Variants in CACNA1B observed in about 807,000 individuals in gnomAD.
The protein encoded by CACNA1B is voltage-dependent N-type calcium channel subunit alpha-1B.
Under a neutral mutation model 247.2 loss-of-function variants are expected in CACNA1B, and 70 were observed. That is an observed-to-expected ratio of 0.28 (90% CI 0.23 to 0.35). The LOEUF (loss-of-function observed/expected upper bound fraction) is 0.35. CACNA1B is among the 10% of genes least tolerant of loss of function. CACNA1B has a pLI of 1.00. For missense variants in CACNA1B, 2,367 were observed against 3,197.4 expected (o/e 0.74, Z 6.26); for synonymous variants, 1,231 against 1,294.4 (o/e 0.95, Z 1.05).
chr9:138,027,686 T>G (rs1215766688), intron 20 of CACNA1B, among the ~76,000 whole-genome samples: 1 of 152,204 alleles, frequency 6.6e-6, no homozygotes, highest in African/African-American at 2.4e-5. Context: ...GAAGACCTTT[T>G]CAGCATCCAT....
rs1237817415 is a variant in CACNA1B at position 138,013,132 on chromosome 9, G to A, written c.2164G>A (p.Glu722Lys). ...LANAQELTKD[E>K]EEMEEAANQK... ...ACATTTCTCTTTGCTCAAACAGGAT[G>A]AAGAGGAGATGGAAGAAGCAGCCAA... The change falls in exon 18 of 47, where the codon GAA becomes AAA. Residue 722 changes from glutamate to lysine, a missense_variant. By Grantham distance (56) the Glu-to-Lys change is moderately conservative. This residue lies in a region of CACNA1B where 76 missense variants were observed against 191.0 expected (regional missense o/e 0.40). Coordinates refer to ENST00000371372, the MANE Select transcript of CACNA1B (RefSeq NM_000718.4). 6.2e-7 allele frequency: 1 copy of A among 1,612,358 alleles called. No homozygotes were observed. Among genetic ancestry groups the A allele is most frequent in the Admixed American group, 1.7e-5 (1 of 59,988 alleles).
intron 18 of CACNA1B, among the ~76,000 whole-genome samples, chr9:138,013,974 G>A (rs1303265762): frequency 6.6e-6 from 1 of 152,248 alleles, no homozygotes; most frequent in Non-Finnish European, 1.5e-5. Flanking sequence ...CCGTCTGGCT[G>A]CATGCCCACC....
chr9:137,931,615 T>G (rs1254101334), intron 6 of CACNA1B, among the ~76,000 whole-genome samples: 1 of 151,920 alleles, frequency 6.6e-6, no homozygotes, highest in Non-Finnish European at 1.5e-5. Context: ...GACTGATGGT[T>G]TTTTCTTCAG....
rs1460366280 is a variant in CACNA1B at position 137,882,607 on chromosome 9, G to A, written c.391-137G>A. On this transcript the variant is annotated intron_variant, in intron 2 of 46. Transcript: ENST00000371372. The surrounding 1 kb of genome is among the most constrained non-coding windows in gnomAD (Gnocchi z 4.0). The stretch of plus-strand genomic sequence containing the variant: ...TCCTTGGAGAATCTGCAGGGTGTTG[G>A]GGGCAAGGTGAGGAGGGTCAGACCC... 7 of 922,488 alleles carry A rather than the reference G, an allele frequency of 7.6e-6. No individual in the cohort carries two copies. The highest frequency in any genetic ancestry group is 1.2e-5 in the Non-Finnish European group (7 of 604,866). The allele number at this position is 922,488 out of a possible 1,614,324, so 57.1% of individuals were successfully genotyped here.
intron 31 of CACNA1B, chr9:138,068,589 C>A (rs183608160): frequency 4.8e-5 from 25 of 518,776 alleles, no homozygotes; most frequent in South Asian, 3.5e-4. Flanking sequence ...ATTGCTGATT[C>A]CTAAGGGCCT....
At chr9:138,084,672 C>T (rs114860088) in intron 36 of CACNA1B, among the ~76,000 whole-genome samples, 2,720 of 151,250 alleles carry the variant, frequency 0.018, 199 homozygotes, top group African/African-American at 0.062. Flanking sequence ...AAGGAAATCA[C>T]CAGGTGTGGT....
intron 45 of CACNA1B, 51 bp from the exon 46 acceptor site, chr9:138,120,580 G>A: frequency 6.8e-7 from 1 of 1,463,232 alleles, no homozygotes; most frequent in Non-Finnish European, 9.0e-7. Flanking sequence ...CGGGGGTCAG[G>A]GGTCCCTGCC....
intron 36 of CACNA1B, among the ~76,000 whole-genome samples, chr9:138,081,223 C>A (rs1003864287): frequency 1.3e-5 from 2 of 152,220 alleles, no homozygotes; most frequent in African/African-American, 2.4e-5. Context: ...ACAGGGCCAG[C>A]ACTCACTAGA....
At position 137,940,241 on chromosome 9, in the gene CACNA1B, A is replaced by G. The variant is rs1214106172; in HGVS notation, c.967-12033A>G. On this transcript the variant is annotated intron_variant, in intron 6 of 46. Coordinates refer to ENST00000371372, the MANE Select transcript of CACNA1B (RefSeq NM_000718.4). ...AATTAGAAATGAAATGGGAGATATT[A>G]CAACTGACACCACAGAAATACAAAA... 5.9e-5 allele frequency among the ~76,000 whole-genome samples: 9 copies of G among 152,362 alleles called. No individual in the cohort carries two copies. The South Asian group carries it at 8.3e-4, about 14-fold the overall frequency.
intron 15 of CACNA1B, among the ~76,000 whole-genome samples, chr9:137,994,343 C>A (rs1341090723): frequency 6.6e-6 from 1 of 152,180 alleles, no homozygotes; most frequent in Non-Finnish European, 1.5e-5. Context: ...GAAGTCCTAA[C>A]CAGAGCAATC....
chr9:138,093,661 A>C lies in CACNA1B; in HGVS notation c.5095-2823A>C, dbSNP rs139249954. On this transcript the variant is annotated intron_variant, in intron 36 of 46. Transcript: ENST00000371372. ...GAGGCTAAGGCAGAGAATCACTTGA[A>C]CCTGGGAGGTGGAGGCTGCAGTGAC... Among the ~76,000 whole-genome samples the C allele has an allele frequency of 4.2e-4, 64 of 151,998 alleles. 2 individuals carry two copies. The East Asian group carries it at 0.012, about 28-fold the overall frequency.
chr9:138,068,687 G>A (rs1960016601), intron 31 of CACNA1B: 1 of 513,418 alleles, frequency 1.9e-6, no homozygotes, highest in African/African-American at 1.9e-5. Context: ...TGGTGGGGAG[G>A]GGTGGTTTCT....
intron 15 of CACNA1B, among the ~76,000 whole-genome samples, chr9:137,988,566 A>G (rs886475408): frequency 1.3e-5 from 2 of 152,180 alleles, no homozygotes; most frequent in Admixed American, 1.3e-4. Flanking sequence ...GAACACAGCA[A>G]TAAGATAAAA....
intron 16 of CACNA1B, among the ~76,000 whole-genome samples, chr9:138,008,848 A>G (rs533455854): frequency 6.6e-6 from 1 of 152,334 alleles, no homozygotes; most frequent in South Asian, 2.1e-4. Flanking sequence ...TGATGGCCTC[A>G]AGTGGACGGA....
At chr9:137,987,823 C>T (rs1378927636) in intron 15 of CACNA1B, among the ~76,000 whole-genome samples, 1 of 152,182 alleles carries the variant, frequency 6.6e-6, no homozygotes, top group African/African-American at 2.4e-5. Flanking sequence ...TCACATCTTC[C>T]CACTCACCCC....
At position 137,882,994 on chromosome 9, in the gene CACNA1B, C is replaced by G; in HGVS notation, c.530+111C>G. ...GCTGCAGTCCCCTCACTGGGGTCCCCTCACAGCCCTGCTGGAGATGAACGA... is the reference window on the plus strand; with the variant it reads ...GCTGCAGTCCCCTCACTGGGGTCCCGTCACAGCCCTGCTGGAGATGAACGA... On this transcript the variant is annotated intron_variant, in intron 3 of 46. Coordinates refer to ENST00000371372, the MANE Select transcript of CACNA1B (RefSeq NM_000718.4). The surrounding 1 kb of genome is among the most constrained non-coding windows in gnomAD (Gnocchi z 4.0). The G allele has an allele frequency of 8.7e-7, 1 of 1,150,794 alleles. No individual in the cohort carries two copies. Among genetic ancestry groups the G allele is most frequent in the Non-Finnish European group, 1.3e-6 (1 of 782,876 alleles). 71.3% of individuals were successfully genotyped at this position (1,150,794 alleles called of 1,614,324 possible).
chr9:138,002,982 G>C (rs1377623747), intron 15 of CACNA1B, among the ~76,000 whole-genome samples: 2 of 151,526 alleles, frequency 1.3e-5, no homozygotes, highest in African/African-American at 4.8e-5. Context: ...TGTATTTTTA[G>C]TAGACAGGGT....
rs557308818 is a variant in CACNA1B at position 137,923,377 on chromosome 9, G to A, written c.966+5946G>A. On this transcript the variant is annotated intron_variant, in intron 6 of 46. Coordinates refer to ENST00000371372, the MANE Select transcript of CACNA1B (RefSeq NM_000718.4). Reference sequence around the variant, plus strand: ...ATTCCGTGGCTCCAGGTGGTATTCCGTGGCACCAGGTGGTATTCCGTGGTG... The same window carrying A: ...ATTCCGTGGCTCCAGGTGGTATTCCATGGCACCAGGTGGTATTCCGTGGTG... Among the ~76,000 whole-genome samples, 5 of 147,862 alleles carry A rather than the reference G, an allele frequency of 3.4e-5. No homozygotes were observed. The South Asian group carries it at 8.8e-4, about 26-fold the overall frequency.
At position 137,889,069 on chromosome 9, in the gene CACNA1B, C is replaced by T. The variant is rs535241132; in HGVS notation, c.530+6186C>T. On this transcript the variant is annotated intron_variant, in intron 3 of 46. Coordinates refer to ENST00000371372, the MANE Select transcript of CACNA1B (RefSeq NM_000718.4). ...TGCCTTCCCGCAAGGCGACCTGACGCTGTGTCTGAACACAGGTGACAGCCC... is the reference window on the plus strand; with the variant it reads ...TGCCTTCCCGCAAGGCGACCTGACGTTGTGTCTGAACACAGGTGACAGCCC... 2.7e-5 allele frequency among the ~76,000 whole-genome samples: 4 copies of T among 150,658 alleles called. No individual in the cohort carries two copies. In the East Asian group the frequency reaches 7.7e-4, roughly 29 times the overall value.
Sources: gnomAD v4.1 joint callset for allele counts (sites outside exome capture counted in the v4.1 genomes callset) on GRCh38, gnomAD v4.1.1 for gene constraint, gnomAD v4.1.1 regional missense constraint, Gnocchi (gnomAD v3.1) non-coding constraint, MANE v1.5 for transcripts, NCBI Gene and HGNC (gene_info 2026-07-23, HGNC 2026-07-21) for gene names.